Variants in PCDHGA4 observed in about 807,000 individuals in gnomAD.
The protein encoded by PCDHGA4 is protocadherin gamma subfamily A, 4.
In PCDHGA4, 38 loss-of-function variants were observed where a neutral mutation model predicts 54.6. The observed-to-expected ratio is 0.70, with a 90% CI of 0.54 to 0.91. The LOEUF (loss-of-function observed/expected upper bound fraction) is 0.91. Among genes scored for constraint, PCDHGA4 ranks in the 40% least tolerant of loss-of-function variants. PCDHGA4 has a pLI of 0.00. For synonymous variants in PCDHGA4, 511 were observed against 512.9 expected (o/e 1.00, Z 0.05); for missense variants, 1,298 against 1,220.9 (o/e 1.06, Z -0.94).
At chr5:141,384,582 G>A (rs542176226) in intron 1 of PCDHGA4, 5 of 1,614,230 alleles carry the variant, frequency 3.1e-6, no homozygotes, top group Non-Finnish European at 4.2e-6. Context: ...ACCCGCCCGA[G>A]ATCCTGTACC....
At chr5:141,439,571 G>T (rs1010967112) in intron 1 of PCDHGA4, among the ~76,000 whole-genome samples, 4 of 152,154 alleles carry the variant, frequency 2.6e-5, no homozygotes, top group Non-Finnish European at 4.4e-5. Flanking sequence ...CTAGAGTAGG[G>T]ACTCAGAGTG....
rs551700676 is a variant in PCDHGA4 at position 141,356,230 on chromosome 5, G to A, written c.1123G>A (p.Ala375Thr). The A allele has an allele frequency of 1.9e-5, 31 of 1,592,426 alleles. No homozygotes were observed. The highest frequency in any genetic ancestry group is 2.5e-5 in the Non-Finnish European group (29 of 1,168,808). ...LVTVLDENDN[A>T]PEVTVTSLTS... ...GACAGTTCTGGATGAAAATGACAAC[G>A]CACCAGAAGTCACAGTTACATCTCT... Residue 375 changes from alanine (A) to threonine (T), a missense_variant, in exon 1 of 4, where the codon GCA (alanine) becomes ACA (threonine). Coordinates refer to ENST00000571252, the MANE Select transcript of PCDHGA4 (RefSeq NM_018917.4).
rs1374592449 is a variant in PCDHGA4 at position 141,387,964 on chromosome 5, C to T, written c.2514+30343C>T. ...CTCTTCCTGCTGTCTTTGTTCTGCC[C>T]GGCGCTCTGTGAGCAGATCCGCTAC... On this transcript the variant is annotated intron_variant, in intron 1 of 3. Transcript: ENST00000571252. 1.3e-6 allele frequency: 2 copies of T among 1,493,070 alleles called. No individual in the cohort carries two copies. The highest frequency in any genetic ancestry group is 2.2e-5 in the Admixed American group (1 of 45,422). 92.5% of individuals were successfully genotyped at this position (1,493,070 alleles called of 1,614,324 possible).
intron 2 of PCDHGA4, among the ~76,000 whole-genome samples, chr5:141,501,290 TACACACACACACACACACACACAC>T (rs55762287): frequency 7.3e-6 from 1 of 136,162 alleles, no homozygotes; most frequent in African/African-American, 2.7e-5. Flanking sequence ...TATTCCCTTA[TACACACACACACACACACACACAC>T]ACACACACAC....
chr5:141,411,724 A>G (rs2095509404), intron 1 of PCDHGA4: 1 of 152,684 alleles, frequency 6.5e-6, no homozygotes, highest in South Asian at 2.1e-4. Flanking sequence ...GCTACAGAAC[A>G]TTTAAAAATT....
chr5:141,461,429 T>A lies in PCDHGA4; in HGVS notation c.2515-33378T>A, dbSNP rs193056679. On this transcript the variant is annotated intron_variant, in intron 1 of 3. Coordinates refer to ENST00000571252, the MANE Select transcript of PCDHGA4 (RefSeq NM_018917.4). The stretch of plus-strand genomic sequence containing the variant: ...TTTTCATATGTTTGTGGGCCATTTG[T>A]ATACCTTCTTTTGAGAAATGGCTAT... Among the ~76,000 whole-genome samples the A allele has an allele frequency of 5.6e-4, 85 of 152,328 alleles. 1 individual carries two copies. The highest frequency in any genetic ancestry group is 1.5e-3 in the African/African-American group (64 of 41,580).
At chr5:141,437,040 C>G (rs188070264) in intron 1 of PCDHGA4, among the ~76,000 whole-genome samples, 1 of 152,266 alleles carries the variant, frequency 6.6e-6, no homozygotes, top group African/African-American at 2.4e-5. Flanking sequence ...ATCACCGAAA[C>G]CAGAAGGCTG....
At chr5:141,484,795 C>G (rs1265916821) in intron 1 of PCDHGA4, among the ~76,000 whole-genome samples, 1 of 151,902 alleles carries the variant, frequency 6.6e-6, no homozygotes, top group Middle Eastern at 3.4e-3. Flanking sequence ...AGATAACAAC[C>G]CGTGGAAAAA....
chr5:141,363,908 A>C (rs1266423621), intron 1 of PCDHGA4, among the ~76,000 whole-genome samples: 6 of 152,234 alleles, frequency 3.9e-5, no homozygotes, highest in Non-Finnish European at 8.8e-5. Context: ...GCATTAAATA[A>C]AATTTTTGTA....
chr5:141,409,033 A>T, intron 1 of PCDHGA4: 1 of 1,614,028 alleles, frequency 6.2e-7, no homozygotes, highest in Non-Finnish European at 8.5e-7. Context: ...ATGCTGAGAT[A>T]AACTACTACT....
intron 1 of PCDHGA4, chr5:141,408,389 G>T: frequency 6.2e-7 from 1 of 1,614,032 alleles, no homozygotes; most frequent in Non-Finnish European, 8.5e-7. Flanking sequence ...GGATGTGTCG[G>T]CTCGCAAGCT....
intron 1 of PCDHGA4, chr5:141,372,020 C>T (rs534964155): frequency 1.2e-6 from 2 of 1,613,370 alleles, no homozygotes; most frequent in Admixed American, 1.7e-5. Context: ...CGCCTACGCT[C>T]AGCGCCAACG....
At chr5:141,428,230 C>A in intron 1 of PCDHGA4, 1 of 1,073,982 alleles carries the variant, frequency 9.3e-7, no homozygotes, top group Non-Finnish European at 1.4e-6. Flanking sequence ...CGCAGACAGC[C>A]TGCAGGAGGC....
intron 1 of PCDHGA4, chr5:141,394,735 G>C: frequency 6.2e-7 from 1 of 1,613,450 alleles, no homozygotes; most frequent in Non-Finnish European, 8.5e-7. Context: ...CTCAAGCAGA[G>C]CCTCGTGGTG....
In PCDHGA4 at chr5:141,459,764, A is replaced by G. The variant is rs980972909; in HGVS notation, c.2515-35043A>G. On this transcript the variant is annotated intron_variant, in intron 1 of 3. Transcript: ENST00000571252. ...TTTTAGCAATTCTAGTGGGTGTGTG[A>G]TACTATCTCATTGAAGTTTCAACTG... Among the ~76,000 whole-genome samples, 56 of 152,208 alleles carry G rather than the reference A, an allele frequency of 3.7e-4. 1 individual carries two copies. Among genetic ancestry groups the G allele is most frequent in the Admixed American group, 6.5e-5 (1 of 15,274 alleles).
chr5:141,487,802 C>T lies in PCDHGA4; in HGVS notation c.2515-7005C>T, dbSNP rs765438219. The T allele has an allele frequency of 9.5e-6, 14 of 1,477,306 alleles. No individual in the cohort carries two copies. The South Asian group carries it at 1.7e-4, about 18-fold the overall frequency. 91.5% of individuals were successfully genotyped at this position (1,477,306 alleles called of 1,614,324 possible). A position where few individuals can be genotyped will look rare whatever the true frequency, so the allele number is the denominator to read the frequency against. ...TTTCGTGAATTAACCAGAGTTGTCACAGTTTAGCATTGGGGGCGGGTCATG... is the reference window on the plus strand; with the variant it reads ...TTTCGTGAATTAACCAGAGTTGTCATAGTTTAGCATTGGGGGCGGGTCATG... On this transcript the variant is annotated intron_variant, in intron 1 of 3. Transcript: ENST00000571252. The surrounding 1 kb of genome is among the most constrained non-coding windows in gnomAD (Gnocchi z 5.0).
chr5:141,390,170 T>C lies in PCDHGA4; in HGVS notation c.2514+32549T>C, dbSNP rs773539625. 5 of 1,613,940 alleles carry C rather than the reference T, an allele frequency of 3.1e-6. No individual in the cohort carries two copies. In the African/African-American group the frequency reaches 6.7e-5, roughly 22 times the overall value. ...TTGCACATACAGGAAAGACGGAGTTTAATTTCCTAAAATGTAGTGAGCAGT... is the reference window on the plus strand; with the variant it reads ...TTGCACATACAGGAAAGACGGAGTTCAATTTCCTAAAATGTAGTGAGCAGT... On this transcript the variant is annotated intron_variant, in intron 1 of 3. Transcript: ENST00000571252.
At chr5:141,373,226 A>G (rs540520010) in intron 1 of PCDHGA4, among the ~76,000 whole-genome samples, 4 of 152,364 alleles carry the variant, frequency 2.6e-5, no homozygotes, top group Middle Eastern at 6.8e-3. Context: ...TAACCTGTAT[A>G]TAATATTTTT....
Position 141,485,373 on chromosome 5 carries a change from C to T in PCDHGA4, c.2515-9434C>T. 2 of 1,614,136 alleles carry T rather than the reference C, an allele frequency of 1.2e-6. No homozygotes were observed. Among genetic ancestry groups the T allele is most frequent in the East Asian group, 2.2e-5 (1 of 44,868 alleles). On this transcript the variant is annotated intron_variant, in intron 1 of 3. Transcript: ENST00000571252. This position sits in a 1 kb window ranked among gnomAD's most constrained non-coding sequence, Gnocchi z 5.7. ...CTGTCAGCTCGCAGGCTGCAGGTCG[C>T]TGGAGAGGTGAACCAAAGACACTTC... is the stretch of plus-strand genomic sequence containing the variant.
Sources: allele counts gnomAD v4.1 joint callset (sites outside exome capture counted in the v4.1 genomes callset), GRCh38; gene constraint gnomAD v4.1.1; non-coding constraint Gnocchi (gnomAD v3.1); transcripts MANE v1.5; gene names NCBI Gene and HGNC (gene_info 2026-07-23, HGNC 2026-07-21).